Variants in VDAC2 observed in about 807,000 individuals in gnomAD.
VDAC2 encodes the protein voltage dependent anion channel 2.
VDAC2 carries 6 observed loss-of-function variants against 36.6 expected under a neutral mutation model. That is an observed-to-expected ratio of 0.16 (90% CI 0.09 to 0.32). The LOEUF is 0.32. VDAC2 is among the 10% of genes least tolerant of loss of function. The pLI is 1.00. For synonymous variants in VDAC2, 109 were observed against 123.8 expected (o/e 0.88, Z 0.79); for missense variants, 247 against 346.0 (o/e 0.71, Z 2.27).
chr10:75,230,761 G>A, intron 9 of VDAC2, 137 bp from the exon 10 acceptor site: 1 of 648,848 alleles, frequency 1.5e-6, no homozygotes. Flanking sequence ...CCCTCTGGTG[G>A]CCAGCACTAG....
chr10:75,217,951 G>A, intron 4 of VDAC2: 2 of 1,288,662 alleles, frequency 1.6e-6, no homozygotes, highest in Non-Finnish European at 2.0e-6. Flanking sequence ...CTTAGGCTTG[G>A]CGTGGTGATG....
chr10:75,226,584 T>C (rs955569545), intron 8 of VDAC2, among the ~76,000 whole-genome samples: 1 of 150,234 alleles, frequency 6.7e-6, no homozygotes, highest in Non-Finnish European at 1.5e-5. Context: ...TGCCTCAGCC[T>C]ACTTAGTAGC....
intron 4 of VDAC2, among the ~76,000 whole-genome samples, chr10:75,215,321 A>ATATG (rs1197875436): frequency 6.6e-6 from 1 of 151,756 alleles, no homozygotes; most frequent in African/African-American, 2.4e-5. Context: ...TTATTTTGAT[A>ATATG]TATGTATGTA....
At chr10:75,228,052 G>A (rs967251135) in intron 8 of VDAC2, among the ~76,000 whole-genome samples, 6 of 151,398 alleles carry the variant, frequency 4.0e-5, no homozygotes, top group Admixed American at 1.3e-4. Flanking sequence ...CCACCACCAC[G>A]CCCGGCTAAT....
chr10:75,220,094 G>A (rs866665316), intron 6 of VDAC2, among the ~76,000 whole-genome samples: 38 of 150,068 alleles, frequency 2.5e-4, no homozygotes, highest in South Asian at 2.1e-4. Context: ...CCAAAGTGCT[G>A]GGATTACAGG....
intron 8 of VDAC2, among the ~76,000 whole-genome samples, chr10:75,225,533 A>T (rs529997702): frequency 6.6e-6 from 1 of 152,220 alleles, no homozygotes; most frequent in Non-Finnish European, 1.5e-5. Context: ...TGTTCTTTGT[A>T]TCACAGATTC....
chr10:75,229,927 CTTCTT>C (rs997410098), intron 9 of VDAC2, among the ~76,000 whole-genome samples: 5 of 150,992 alleles, frequency 3.3e-5, no homozygotes, highest in African/African-American at 1.2e-4. Context: ...AGGCCCGTCT[CTTCTT>C]TTCTGCATAA....
At chr10:75,229,429 T>TC in intron 8 of VDAC2, 1 of 412,504 alleles carries the variant, frequency 2.4e-6, no homozygotes. Flanking sequence ...CCAGTGGCTA[T>TC]CAAGAGTATT....
At chr10:75,221,104 T>G (rs1841800418) in intron 7 of VDAC2, 134 bp downstream of exon 7, 5 of 956,734 alleles carry the variant, frequency 5.2e-6, no homozygotes, top group Non-Finnish European at 7.7e-6. Flanking sequence ...CTTGGTCATT[T>G]CTAGGGTGCC....
At chr10:75,228,195 A>C (rs1050958080) in intron 8 of VDAC2, among the ~76,000 whole-genome samples, 1 of 148,912 alleles carries the variant, frequency 6.7e-6, no homozygotes, top group Non-Finnish European at 1.5e-5. Context: ...CGCCTGGCCA[A>C]TAATAGGAAT....
intron 8 of VDAC2, among the ~76,000 whole-genome samples, chr10:75,226,070 G>A (rs1324079632): frequency 6.6e-6 from 1 of 152,188 alleles, no homozygotes; most frequent in African/African-American, 2.4e-5. Context: ...TGAGATTACA[G>A]GTGTGAGCCA....
chr10:75,227,621 A>T lies in VDAC2; in HGVS notation c.736-2023A>T, dbSNP rs558256492. 1.1e-4 allele frequency among the ~76,000 whole-genome samples: 11 copies of T among 100,608 alleles called. No homozygotes were observed. In the East Asian group the frequency reaches 4.2e-3, roughly 38 times the overall value. The allele number at this position is 100,608 out of a possible 152,430, so 66.0% of individuals were successfully genotyped here. On this transcript the variant is annotated intron_variant, in intron 8 of 9. Coordinates refer to ENST00000332211, the MANE Select transcript of VDAC2 (RefSeq NM_001391963.1). Reference sequence around the variant, plus strand: ...TTTGGAGACAGAGTCTCACTTTGTTACCCTGGCTGGAGTGCAGTGGTGCGA... The same window carrying T: ...TTTGGAGACAGAGTCTCACTTTGTTTCCCTGGCTGGAGTGCAGTGGTGCGA...
chr10:75,214,915 C>T (rs565596284), intron 4 of VDAC2, among the ~76,000 whole-genome samples: 1 of 152,170 alleles, frequency 6.6e-6, no homozygotes, highest in East Asian at 1.9e-4. Context: ...TAATATTTAA[C>T]TTTTTTCGAG....
At chr10:75,229,146 A>G (rs1842039585) in intron 8 of VDAC2, among the ~76,000 whole-genome samples, 1 of 150,904 alleles carries the variant, frequency 6.6e-6, no homozygotes, top group South Asian at 2.1e-4. Flanking sequence ...CAGAGGAATT[A>G]CTTGTCGTTT....
intron 8 of VDAC2, among the ~76,000 whole-genome samples, chr10:75,228,428 A>G: frequency 6.6e-6 from 1 of 150,966 alleles, no homozygotes; most frequent in East Asian, 2.0e-4. Context: ...AAGCTAGGAA[A>G]ATTTTGTACA....
chr10:75,217,189 T>C (rs1428772183), intron 4 of VDAC2, among the ~76,000 whole-genome samples: 1 of 152,074 alleles, frequency 6.6e-6, no homozygotes, highest in Non-Finnish European at 1.5e-5. Flanking sequence ...CCCAGGAGTT[T>C]GAGGCTGCAG....
At chr10:75,218,499 C>T (rs994301117) in intron 4 of VDAC2, among the ~76,000 whole-genome samples, 2 of 152,110 alleles carry the variant, frequency 1.3e-5, no homozygotes, top group African/African-American at 2.4e-5. Flanking sequence ...TGGTGGCTTA[C>T]GTTTGTAATC....
At chr10:75,229,953 A>G (rs183750808) in intron 9 of VDAC2, among the ~76,000 whole-genome samples, 97 of 151,126 alleles carry the variant, frequency 6.4e-4, no homozygotes, top group African/African-American at 2.3e-3. Context: ...CTATAATACT[A>G]TCACACCTAA....
intron 8 of VDAC2, 55 bp from the exon 9 acceptor site, chr10:75,229,589 G>C: frequency 7.3e-7 from 1 of 1,368,906 alleles, no homozygotes; most frequent in Non-Finnish European, 1.0e-6. Context: ...AACATGTAGG[G>C]GCTTTGTCTC....
Sources: gnomAD v4.1 joint callset for allele counts (sites outside exome capture counted in the v4.1 genomes callset) on GRCh38, gnomAD v4.1.1 for gene constraint, MANE v1.5 for transcripts, NCBI Gene and HGNC (gene_info 2026-07-23, HGNC 2026-07-21) for gene names.